PICALM: variants seen among roughly 807,000 people sequenced by gnomAD.
PICALM encodes phosphatidylinositol-binding clathrin assembly protein.
In PICALM, 40 loss-of-function variants were observed where a neutral mutation model predicts 80.5. The observed-to-expected ratio is 0.50, with a 90% confidence interval of 0.39 to 0.65. The LOEUF is 0.65. Ranked by LOEUF, PICALM falls within the 30% of genes least tolerant of loss-of-function variation. The pLI, the probability that PICALM is intolerant of heterozygous loss-of-function variation, is 0.00. For synonymous variants in PICALM, 288 were observed against 260.3 expected, an observed-to-expected ratio of 1.11 and a Z score of -1.02; for missense variants, 676 against 778.9, an observed-to-expected ratio of 0.87 and a Z score of 1.57.
chr11:85,988,680 A>G (rs1274109593), intron 13 of PICALM, among the ~76,000 whole-genome samples: 1 of 151,838 alleles, frequency 6.6e-6, no homozygotes, highest in Non-Finnish European at 1.5e-5. Context: ...GGAAGAAGAG[A>G]AAAAAAAGAA....
chr11:86,020,003 T>C (rs2095538391), intron 4 of PICALM, among the ~76,000 whole-genome samples: 2 of 152,172 alleles, frequency 1.3e-5, no homozygotes, highest in African/African-American at 4.8e-5. Flanking sequence ...CTGCTAAGAA[T>C]GTCTTCAGTG....
chr11:86,020,046 G>GA (rs1313924784), intron 4 of PICALM, among the ~76,000 whole-genome samples: 5 of 151,980 alleles, frequency 3.3e-5, no homozygotes, highest in African/African-American at 7.2e-5. Flanking sequence ...TATATCCTAG[G>GA]AAAAAAATCT....
chr11:86,069,178 C>G (rs1364207098), upstream of PICALM: 7 of 206,038 alleles, frequency 3.4e-5, no homozygotes, highest in Admixed American at 3.5e-4. Flanking sequence ...TTTCCCCTTC[C>G]CTTTCCTCTT....
At chr11:86,062,906 AAG>A (rs1283774303) in intron 1 of PICALM, among the ~76,000 whole-genome samples, 1 of 152,190 alleles carries the variant, frequency 6.6e-6, no homozygotes, top group Non-Finnish European at 1.5e-5. Context: ...TAGCTACCAA[AAG>A]AACAGGAAGA....
At chr11:85,964,032 A>G (rs929982458) in intron 19 of PICALM, among the ~76,000 whole-genome samples, 5 of 151,188 alleles carry the variant, frequency 3.3e-5, no homozygotes, top group Admixed American at 6.6e-5. Flanking sequence ...GAAGGTTAAA[A>G]AAAGTCTATT....
At chr11:86,003,510 C>G in intron 8 of PICALM, 59 bp from the exon 9 acceptor site, 1 of 1,042,706 alleles carries the variant, frequency 9.6e-7, no homozygotes, top group Non-Finnish European at 1.4e-6. Context: ...CAAATTAAAT[C>G]AAGTATCATC....
intron 1 of PICALM, among the ~76,000 whole-genome samples, chr11:86,066,024 G>A (rs1462904093): frequency 1.3e-5 from 2 of 152,026 alleles, no homozygotes; most frequent in African/African-American, 2.4e-5. Flanking sequence ...GTTGCTAGGG[G>A]CATTAAAAGG....
intron 2 of PICALM, among the ~76,000 whole-genome samples, chr11:86,030,837 G>T (rs1222505036): frequency 6.6e-6 from 1 of 152,202 alleles, no homozygotes; most frequent in African/African-American, 2.4e-5. Flanking sequence ...ATCTAAAGCT[G>T]GGTGTGATGG....
intron 1 of PICALM, among the ~76,000 whole-genome samples, chr11:86,035,780 TA>T (rs11340669): frequency 0.72 from 107,961 of 149,118 alleles, 39,460 homozygotes; most frequent in African/African-American, 0.87. Flanking sequence ...CTGTCTCTAC[TA>T]AAAAAAAAAC....
chr11:85,968,472 A>G (rs369415841), intron 19 of PICALM, among the ~76,000 whole-genome samples: 2 of 152,144 alleles, frequency 1.3e-5, no homozygotes, highest in South Asian at 2.1e-4. Context: ...AACCCTTGTC[A>G]CCCCCAAAGA....
chr11:86,066,746 C>CA (rs201337814), intron 1 of PICALM, among the ~76,000 whole-genome samples: 4,380 of 98,914 alleles, frequency 0.044, 103 homozygotes, highest in African/African-American at 0.094. Flanking sequence ...TACTCCCATA[C>CA]AAAAAAAAAA....
At chr11:86,057,170 A>T (rs2096281876) in intron 1 of PICALM, among the ~76,000 whole-genome samples, 1 of 151,998 alleles carries the variant, frequency 6.6e-6, no homozygotes, top group Non-Finnish European at 1.5e-5. Context: ...TATGTAGATT[A>T]TGTCTCAATT....
At chr11:85,969,443 C>T (rs1381200513) in intron 19 of PICALM, among the ~76,000 whole-genome samples, 3 of 152,126 alleles carry the variant, frequency 2.0e-5, no homozygotes, top group African/African-American at 7.2e-5. Flanking sequence ...TTCATTTAAA[C>T]TACCATTTAC....
At chr11:86,030,944 C>T (rs139182612) in intron 2 of PICALM, among the ~76,000 whole-genome samples, 304 of 152,214 alleles carry the variant, frequency 2.0e-3, no homozygotes, top group African/African-American at 7.0e-3. Context: ...GGAAAGACCC[C>T]CATCTCTACA....
At chr11:85,999,916 A>T (rs1173655264) in intron 11 of PICALM, among the ~76,000 whole-genome samples, 3 of 152,240 alleles carry the variant, frequency 2.0e-5, no homozygotes, top group African/African-American at 7.2e-5. Flanking sequence ...TGGGACTCAG[A>T]TATCTGTAGT....
At chr11:85,977,315 A>G (rs1479388876) in intron 17 of PICALM, among the ~76,000 whole-genome samples, 1 of 152,234 alleles carries the variant, frequency 6.6e-6, no homozygotes, top group Non-Finnish European at 1.5e-5. Context: ...CAATTAGGTC[A>G]GTTTATGCTT....
In PICALM at chr11:86,045,519, CAAAAA is replaced by C. The variant is rs71040207; in HGVS notation, c.131-13913_131-13909del. ...CATAGTGAGACCCTGTCTTGAAATT[CAAAAA>C]AAAAAAAAAAAAAAAAAAAAAGACT... is the stretch of plus-strand genomic sequence containing the variant. On this transcript the variant is annotated intron_variant, in intron 1 of 19. Transcript: ENST00000393346. 3.1e-4 allele frequency among the ~76,000 whole-genome samples: 15 copies of C among 47,798 alleles called. No homozygotes were observed. In the South Asian group the frequency reaches 9.2e-3, roughly 29 times the overall value. 31.4% of individuals were successfully genotyped at this position (47,798 alleles called of 152,430 possible).
intron 11 of PICALM, among the ~76,000 whole-genome samples, chr11:85,999,437 T>C (rs1173862889): frequency 1.3e-5 from 2 of 152,240 alleles, no homozygotes; most frequent in Non-Finnish European, 2.9e-5. Context: ...ACAATGAACA[T>C]TCTTTTCACT....
At chr11:86,023,465 G>T in intron 3 of PICALM, 1 of 984,938 alleles carries the variant, frequency 1.0e-6, no homozygotes, top group Non-Finnish European at 1.2e-6. Context: ...TCAGCTCTTC[G>T]GTTCATATGG....
Sources: gnomAD v4.1 joint callset for allele counts (sites outside exome capture counted in the v4.1 genomes callset) on GRCh38, gnomAD v4.1.1 for gene constraint, MANE v1.5 for transcripts, NCBI Gene and HGNC (gene_info 2026-07-23, HGNC 2026-07-21) for gene names.